The following GLRA2 variants were observed in gnomAD, a reference collection of about 807,000 sequenced individuals.
The protein encoded by GLRA2 is glycine receptor alpha 2.
A neutral mutation model predicts 31.6 loss-of-function variants in GLRA2; 11 were observed. The observed-to-expected ratio is 0.35, with a 90% CI of 0.22 to 0.58. The LOEUF is 0.58. GLRA2 is among the 20% of genes least tolerant of loss of function. The pLI is 0.84. For synonymous variants in GLRA2, 132 were observed against 134.0 expected (o/e 0.99, Z 0.10); for missense variants, 212 against 351.8 (o/e 0.60, Z 3.18).
chrX:14,463,496 G>T, the GLRA2 span, among the ~76,000 whole-genome samples: 2 of 111,672 alleles, frequency 1.8e-5, no homozygotes, highest in African/African-American at 6.5e-5. Flanking sequence ...CTGAGCTGTG[G>T]TGGGCTCCAC....
intron 7 of GLRA2, among the ~76,000 whole-genome samples, chrX:14,619,562 C>A (rs1196806610): frequency 9.9e-6 from 1 of 101,390 alleles, no homozygotes; most frequent in Non-Finnish European, 2.1e-5. Context: ...CAGATAGCCA[C>A]TTGACTACCT....
intron 7 of GLRA2, among the ~76,000 whole-genome samples, chrX:14,655,725 T>G (rs1324837649): frequency 1.9e-5 from 2 of 107,141 alleles, no homozygotes. Context: ...ATTTTCTTAA[T>G]TGCTTCCCTC....
chrX:14,723,881 T>G (rs1186404862), intron 8 of GLRA2, among the ~76,000 whole-genome samples: 1 of 112,339 alleles, frequency 8.9e-6, no homozygotes, highest in Non-Finnish European at 1.9e-5. Flanking sequence ...CTTATCATAG[T>G]TAGTAATTAT....
At chrX:14,461,189 T>G in the GLRA2 span, among the ~76,000 whole-genome samples, 1 of 111,910 alleles carries the variant, frequency 8.9e-6, no homozygotes, top group Non-Finnish European at 1.9e-5. Context: ...ATCCTCAGTT[T>G]AAATTTGATT....
chrX:14,728,836 C>T (rs1341719823), intron 8 of GLRA2, among the ~76,000 whole-genome samples: 1 of 112,434 alleles, frequency 8.9e-6, no homozygotes, highest in African/African-American at 3.2e-5. Context: ...GCAGCTTCCC[C>T]TCTGAGCACG....
intron 2 of GLRA2, among the ~76,000 whole-genome samples, chrX:14,553,669 T>C (rs1416816900): frequency 1.8e-5 from 2 of 111,937 alleles, no homozygotes; most frequent in Admixed American, 1.9e-4. Context: ...GAGGGCATTC[T>C]CTGATCCAAG....
chrX:14,685,160 T>G lies in GLRA2; in HGVS notation c.931-5550T>G, dbSNP rs185873403. 9.1e-3 allele frequency among the ~76,000 whole-genome samples: 1,022 copies of G among 111,881 alleles called. 15 individuals carry two copies. The highest frequency in any genetic ancestry group is 0.032 in the African/African-American group (977 of 30,820). On this transcript the variant is annotated intron_variant, in intron 7 of 8. Transcript: ENST00000218075. ...TTGAACCAGCCTTGCATCCCAGGGA[T>G]GAAGCCCACTTGATCATGGTGGGTA... is the stretch of plus-strand genomic sequence containing the variant.
At chrX:14,665,789 G>C (rs918168244) in intron 7 of GLRA2, among the ~76,000 whole-genome samples, 10 of 112,206 alleles carry the variant, frequency 8.9e-5, no homozygotes, top group African/African-American at 1.3e-4. Flanking sequence ...CTAGGTGCAA[G>C]ATACCAGGAA....
intron 2 of GLRA2, among the ~76,000 whole-genome samples, chrX:14,573,092 C>T (rs2089905721): frequency 8.9e-6 from 1 of 111,781 alleles, no homozygotes; most frequent in Non-Finnish European, 1.9e-5. Flanking sequence ...AAAACAATCA[C>T]AATTACTGTT....
At chrX:14,464,248 T>A in the GLRA2 span, among the ~76,000 whole-genome samples, 1 of 112,217 alleles carries the variant, frequency 8.9e-6, no homozygotes, top group African/African-American at 3.2e-5. Context: ...ATTCACAATA[T>A]GTTTTCCCAG....
chrX:14,673,872 G>A (rs1331447361), intron 7 of GLRA2, among the ~76,000 whole-genome samples: 5 of 112,223 alleles, frequency 4.5e-5, no homozygotes, highest in Admixed American at 3.8e-4. Context: ...CTGCAGGTGT[G>A]ACAGTGCTAC....
the GLRA2 span, among the ~76,000 whole-genome samples, chrX:14,492,016 G>A: frequency 2.7e-4 from 30 of 111,201 alleles, no homozygotes; most frequent in Non-Finnish European, 5.1e-4. Flanking sequence ...GGTCATTCTA[G>A]TAGAACTGTG....
At chrX:14,625,685 T>C (rs921700258) in intron 7 of GLRA2, among the ~76,000 whole-genome samples, 1 of 112,036 alleles carries the variant, frequency 8.9e-6, no homozygotes, top group Non-Finnish European at 1.9e-5. Context: ...TCCCCCACTC[T>C]CTTCTGGCTT....
At chrX:14,449,499 G>A in the GLRA2 span, among the ~76,000 whole-genome samples, 2 of 112,439 alleles carry the variant, frequency 1.8e-5, no homozygotes, top group Non-Finnish European at 3.8e-5. Flanking sequence ...TCTCCATCTT[G>A]CTCTGAGTGG....
rs747298476 is a variant in GLRA2 at position 14,703,232 on chromosome X, C to T, written c.1080+12373C>T. On this transcript the variant is annotated intron_variant, in intron 8 of 8. Coordinates refer to ENST00000218075, the MANE Select transcript of GLRA2 (RefSeq NM_002063.4). ...GAAATAAACAACCAAGGGGACAATA[C>T]TCAGAGGCCATCTTTGGCTCATTTA... is the stretch of plus-strand genomic sequence containing the variant. Among the ~76,000 whole-genome samples, 10 of 111,814 alleles carry T rather than the reference C, an allele frequency of 8.9e-5. No individual in the cohort carries two copies. In the South Asian group the frequency reaches 2.6e-3, roughly 30 times the overall value.
intron 7 of GLRA2, among the ~76,000 whole-genome samples, chrX:14,614,997 C>A (rs1339335906): frequency 8.9e-6 from 1 of 112,062 alleles, no homozygotes; most frequent in Non-Finnish European, 1.9e-5. Context: ...TTTCTGTCTT[C>A]TAGAAAGTAC....
chrX:14,622,217 T>C (rs1259312490), intron 7 of GLRA2, among the ~76,000 whole-genome samples: 1 of 112,161 alleles, frequency 8.9e-6, no homozygotes. Flanking sequence ...TGTTTGATTT[T>C]TTTCTTGTAA....
At chrX:14,473,652 C>T in the GLRA2 span, among the ~76,000 whole-genome samples, 1 of 111,192 alleles carries the variant, frequency 9.0e-6, no homozygotes, top group Admixed American at 9.6e-5. Flanking sequence ...TTCTATGCAC[C>T]CATCTCATCT....
chrX:14,448,964 T>C, the GLRA2 span, among the ~76,000 whole-genome samples: 1 of 111,183 alleles, frequency 9.0e-6, no homozygotes, highest in Non-Finnish European at 1.9e-5. Context: ...AGAGAGCTAC[T>C]GAATAAAACT....
Sources: allele counts gnomAD v4.1 joint callset (sites outside exome capture counted in the v4.1 genomes callset), GRCh38; gene constraint gnomAD v4.1.1; transcripts MANE v1.5; gene names NCBI Gene and HGNC (gene_info 2026-07-23, HGNC 2026-07-21).